USH2A: variants seen among roughly 807,000 people sequenced by gnomAD.
The protein encoded by USH2A is usherin, also known as Usher syndrome 2A (autosomal recessive, mild).
In USH2A, 443 loss-of-function variants were observed where a neutral mutation model predicts 538.9. The observed-to-expected ratio is 0.82, with a 90% CI of 0.76 to 0.89. The LOEUF (loss-of-function observed/expected upper bound fraction) is 0.89, where lower values mean the gene tolerates loss of function less well. Among genes scored for constraint, USH2A ranks in the 40% least tolerant of loss-of-function variants. The pLI is 0.00. For synonymous variants in USH2A, 2,413 were observed against 2,273.5 expected (o/e 1.06, Z -1.75); for missense variants, 6,633 against 6,324.8 (o/e 1.05, Z -1.65).
chr1:216,218,742 A>G (rs2035393177), intron 14 of USH2A, among the ~76,000 whole-genome samples: 1 of 152,076 alleles, frequency 6.6e-6, no homozygotes, highest in African/African-American at 2.4e-5. Context: ...TTCCCCCTTC[A>G]AACAACTATA....
chr1:215,952,446 C>T (rs1490242084), intron 37 of USH2A, among the ~76,000 whole-genome samples: 1 of 152,086 alleles, frequency 6.6e-6, no homozygotes, highest in Non-Finnish European at 1.5e-5. Flanking sequence ...TTATTTTGCT[C>T]GTTAGTTGAT....
chr1:216,084,503 A>G (rs2032056951), intron 25 of USH2A, among the ~76,000 whole-genome samples, 195 bp downstream of exon 25: 1 of 152,170 alleles, frequency 6.6e-6, no homozygotes, highest in East Asian at 1.9e-4. Flanking sequence ...ACATGGATGT[A>G]TACTTATGAG....
chr1:216,034,020 T>C (rs77945775), intron 32 of USH2A, among the ~76,000 whole-genome samples: 243 of 151,854 alleles, frequency 1.6e-3, no homozygotes, highest in African/African-American at 5.2e-3. Flanking sequence ...TTTTAAGGAG[T>C]TGGAGTAAAA....
intron 21 of USH2A, chr1:216,174,644 C>T: frequency 3.0e-6 from 3 of 985,276 alleles, no homozygotes; most frequent in Admixed American, 6.1e-5. Context: ...AAGAGCCTCA[C>T]TTGCTTTACC....
At chr1:215,743,416 G>GTCTATATATATA (rs1491186893) in intron 58 of USH2A, 81 bp from the exon 59 acceptor site, 2 of 238,560 alleles carry the variant, frequency 8.4e-6, no homozygotes, top group Non-Finnish European at 1.4e-5. Flanking sequence ...GTGTGTGTGT[G>GTCTATATATATA]TATATATATA....
intron 3 of USH2A, among the ~76,000 whole-genome samples, chr1:216,387,110 G>A (rs564918779): frequency 6.6e-6 from 1 of 152,284 alleles, no homozygotes; most frequent in African/African-American, 2.4e-5. Context: ...CAGAATGTGT[G>A]AACTTTATAC....
chr1:216,032,598 A>G (rs187853440), intron 32 of USH2A, among the ~76,000 whole-genome samples: 3 of 152,224 alleles, frequency 2.0e-5, no homozygotes, highest in African/African-American at 7.2e-5. Context: ...CCTTATATGG[A>G]GAAAAGGAAA....
chr1:215,775,477 T>G (rs1432490202), intron 55 of USH2A, among the ~76,000 whole-genome samples: 1 of 152,186 alleles, frequency 6.6e-6, no homozygotes, highest in Non-Finnish European at 1.5e-5. Context: ...ATATATTAAG[T>G]ACTGTGATAG....
At chr1:216,289,928 A>G (rs765909499) in intron 10 of USH2A, among the ~76,000 whole-genome samples, 1 of 152,072 alleles carries the variant, frequency 6.6e-6, no homozygotes, top group Non-Finnish European at 1.5e-5. Flanking sequence ...AGTGGCCATT[A>G]TTTTTCATTT....
intron 61 of USH2A, among the ~76,000 whole-genome samples, chr1:215,716,172 G>A (rs1173265363): frequency 2.0e-5 from 3 of 150,384 alleles, no homozygotes; most frequent in Non-Finnish European, 4.4e-5. Context: ...AGGGGCTGGT[G>A]CAGAACATCT....
chr1:216,102,723 C>T (rs2102578015), intron 21 of USH2A, among the ~76,000 whole-genome samples: 1 of 152,216 alleles, frequency 6.6e-6, no homozygotes, highest in East Asian at 1.9e-4. Flanking sequence ...TGGTGTGAAC[C>T]CGAAAGGCGG....
intron 21 of USH2A, among the ~76,000 whole-genome samples, chr1:216,097,976 T>G (rs1276283469): frequency 6.7e-6 from 1 of 149,304 alleles, no homozygotes; most frequent in Non-Finnish European, 1.5e-5. Flanking sequence ...TACCTTTACA[T>G]GTCCCCATCT....
intron 49 of USH2A, among the ~76,000 whole-genome samples, chr1:215,812,927 TCA>T (rs1257950309): frequency 6.6e-6 from 1 of 152,196 alleles, no homozygotes; most frequent in Non-Finnish European, 1.5e-5. Flanking sequence ...TTTAGTTCTT[TCA>T]CTTCTATGCA....
At chr1:216,085,787 A>C (rs1214591046) in intron 24 of USH2A, among the ~76,000 whole-genome samples, 1 of 151,352 alleles carries the variant, frequency 6.6e-6, no homozygotes, top group Non-Finnish European at 1.5e-5. Flanking sequence ...CAAGTAGTTG[A>C]ATGAAAACCC....
chr1:216,259,703 A>G (rs895647794), intron 11 of USH2A, among the ~76,000 whole-genome samples: 2 of 152,124 alleles, frequency 1.3e-5, no homozygotes, highest in Non-Finnish European at 2.9e-5. Context: ...GTGTTAACTA[A>G]GACTGCCCAT....
At chr1:216,397,882 C>A (rs2039240509) in intron 3 of USH2A, among the ~76,000 whole-genome samples, 1 of 152,210 alleles carries the variant, frequency 6.6e-6, no homozygotes, top group Non-Finnish European at 1.5e-5. Flanking sequence ...ATGATGTGAG[C>A]AAATTCTCCC....
intron 32 of USH2A, among the ~76,000 whole-genome samples, chr1:216,020,033 T>C (rs890643824): frequency 1.3e-5 from 2 of 152,198 alleles, no homozygotes; most frequent in African/African-American, 4.8e-5. Context: ...CTTTGAATCA[T>C]TTCTGTAGAA....
intron 50 of USH2A, among the ~76,000 whole-genome samples, chr1:215,792,366 C>T (rs1401913861): frequency 6.6e-6 from 1 of 152,156 alleles, no homozygotes; most frequent in Non-Finnish European, 1.5e-5. Context: ...CAAGAAGTGA[C>T]TCCCTTTTTA....
intron 21 of USH2A, among the ~76,000 whole-genome samples, chr1:216,148,232 C>A (rs1473262438): frequency 6.6e-6 from 1 of 151,744 alleles, no homozygotes; most frequent in Non-Finnish European, 1.5e-5. Context: ...AACTCCCCAA[C>A]TCTGGTGCCA....
Sources: gnomAD v4.1 joint callset for allele counts (sites outside exome capture counted in the v4.1 genomes callset) on GRCh38, gnomAD v4.1.1 for gene constraint, MANE v1.5 for transcripts, NCBI Gene and HGNC (gene_info 2026-07-23, HGNC 2026-07-21) for gene names.